JAG2: variants seen among roughly 807,000 people sequenced by gnomAD.
JAG2 encodes protein jagged-2.
In JAG2, 46 loss-of-function variants were observed where a neutral mutation model predicts 141.7. The observed-to-expected ratio is 0.32, with a 90% CI of 0.26 to 0.42. The LOEUF (loss-of-function observed/expected upper bound fraction) is 0.42, where lower values mean the gene tolerates loss of function less well. JAG2 is among the 10% of genes least tolerant of loss of function. The pLI, the probability that JAG2 is intolerant of heterozygous loss-of-function variation, is 1.00. For synonymous variants in JAG2, 862 were observed against 763.5 expected (o/e 1.13, Z -2.13); for missense variants, 1,500 against 1,817.5 (o/e 0.83, Z 3.18).
intron 2 of JAG2, among the ~76,000 whole-genome samples, chr14:105,163,670 G>A (rs1441509715): frequency 2.6e-5 from 4 of 151,770 alleles, no homozygotes; most frequent in Non-Finnish European, 4.4e-5. Context: ...TGGGGACAGT[G>A]ACCTCACTCA....
rs587768950 is a variant in JAG2 at position 105,154,553 on chromosome 14, G to C, written c.788+1009C>G. 1.3e-5 allele frequency among the ~76,000 whole-genome samples: 2 copies of C among 152,256 alleles called. No homozygotes were observed. The highest frequency in any genetic ancestry group is 2.4e-5 in the African/African-American group (1 of 41,536). On this transcript the variant is annotated intron_variant, in intron 5 of 25. Transcript: ENST00000331782. This position sits in a 1 kb window ranked among gnomAD's most constrained non-coding sequence, Gnocchi z 4.4. ...TGGGTCCAGAGGCCTCCACCATCTGGACTTGGCTGTAAGACCCCGGACACT... is the reference window on the plus strand; with the variant it reads ...TGGGTCCAGAGGCCTCCACCATCTGCACTTGGCTGTAAGACCCCGGACACT...
At chr14:105,148,625 C>T in intron 15 of JAG2, 120 bp downstream of exon 15, 2 of 1,012,078 alleles carry the variant, frequency 2.0e-6, no homozygotes, top group Non-Finnish European at 2.9e-6. Flanking sequence ...GGCAGCACCC[C>T]CTGGCCAGGC....
rs587604451 is a variant in JAG2, at chr14:105,147,524, G to A, written c.2369C>T (p.Thr790Ile). 2 of 1,612,010 alleles carry A rather than the reference G, an allele frequency of 1.2e-6. No individual in the cohort carries two copies. Among genetic ancestry groups the A allele is most frequent in the Non-Finnish European group, 1.7e-6 (2 of 1,179,318 alleles). ...GWEGRTCTHN[T>I]NDCNPLPCYN... Reference sequence around the variant, plus strand: ...CCAAGGCAGAGGGTTGCAGTCGTTGGTATCTGGTTTGGGAGAAGAGAACGC... The same window carrying A: ...CCAAGGCAGAGGGTTGCAGTCGTTGATATCTGGTTTGGGAGAAGAGAACGC... The change falls in exon 19 of 26, where the codon ACC (threonine) becomes ATC (isoleucine). Residue 790 changes from threonine to isoleucine, a missense_variant. Coordinates refer to ENST00000331782, the MANE Select transcript of JAG2 (RefSeq NM_002226.5).
At chr14:105,146,337 C>T (rs1053717812) in intron 22 of JAG2, 48 bp downstream of exon 22, 16 of 1,490,552 alleles carry the variant, frequency 1.1e-5, no homozygotes, top group Admixed American at 1.0e-4. Flanking sequence ...CCAGGGTCAG[C>T]GTGCACCAGC....
intron 2 of JAG2, among the ~76,000 whole-genome samples, chr14:105,163,438 C>T (rs185041095): frequency 6.6e-6 from 1 of 152,320 alleles, no homozygotes; most frequent in African/African-American, 2.4e-5. Flanking sequence ...AGGTCCCCCA[C>T]CGTGAAGACG....
chr14:105,144,385 A>C lies in JAG2; in HGVS notation c.3084+545T>G, dbSNP rs779216533. ...CCCCCTCTGCGGCCTCAGGGCACCA[A>C]AACACTGCACGTCCTTCCTGTGCCT... is the stretch of plus-strand genomic sequence containing the variant. On this transcript the variant is annotated intron_variant, in intron 24 of 25. Transcript: ENST00000331782. 2.8e-4 allele frequency among the ~76,000 whole-genome samples: 43 copies of C among 152,040 alleles called. 1 individual carries two copies. The highest frequency in any genetic ancestry group is 5.6e-4 in the Non-Finnish European group (38 of 67,974).
intron 3 of JAG2, among the ~76,000 whole-genome samples, chr14:105,156,706 C>T (rs587665649): frequency 3.9e-5 from 6 of 152,238 alleles, no homozygotes; most frequent in Admixed American, 6.5e-5. Flanking sequence ...CCACCTCTCC[C>T]GCCTCGGGCC....
Position 105,155,877 on chromosome 14 carries a change from C to G in JAG2, c.588G>C (p.Val196=). 1 of 1,612,288 alleles carries G rather than the reference C, an allele frequency of 6.2e-7. No homozygotes were observed. Among genetic ancestry groups the G allele is most frequent in the African/African-American group, 1.3e-5 (1 of 75,062 alleles). The change falls in exon 4 of 26, where the codon GTG becomes GTC. Residue 196 remains valine, a synonymous_variant. Transcript: ENST00000331782. ...HVAHLELQIR[V]RCDENYYSAT... ...CGCTGTAGTAGTTCTCGTCGCAGCG[C>G]ACGCGGATCTGCAGCTCCAGGTGCG...
At chr14:105,164,004 G>A (rs1439676517) in intron 2 of JAG2, among the ~76,000 whole-genome samples, 1 of 152,084 alleles carries the variant, frequency 6.6e-6, no homozygotes, top group Non-Finnish European at 1.5e-5. Flanking sequence ...CACTGGCCTA[G>A]CTTGCTCCCC....
rs1018568467 is a variant in JAG2 at position 105,167,924 on chromosome 14, G to C, written c.250C>G (p.Pro84Ala). Residue 84 changes from proline (P) to alanine (A), a missense_variant, in exon 2 of 26, where the codon CCC becomes GCC. Physicochemically the swap from Pro to Ala is conservative, Grantham distance 27. Around this residue, in one of 3 missense-constraint regions of JAG2, gnomAD observed 200 missense variants for 174.3 expected, o/e 1.15. Transcript: ENST00000331782. This position sits in a 1 kb window ranked among gnomAD's most constrained non-coding sequence, Gnocchi z 4.8. ...TGGCCGTAGCTGCAGGGCCCCGTGG[G>C]CGTCACCTTGGCCTGGTACTCCTTA... ...CLKEYQAKVTPTGPCSYGHGA... is the reference protein window; with the variant it reads ...CLKEYQAKVTATGPCSYGHGA... 3.8e-6 allele frequency: 6 copies of C among 1,598,386 alleles called. No homozygotes were observed. Among genetic ancestry groups the C allele is most frequent in the Non-Finnish European group, 5.1e-6 (6 of 1,175,762 alleles).
intron 15 of JAG2, 89 bp downstream of exon 15, chr14:105,148,656 C>T: frequency 8.2e-7 from 1 of 1,221,264 alleles, no homozygotes; most frequent in Non-Finnish European, 1.2e-6. Flanking sequence ...ACGGGGCCTG[C>T]CGCACCCAGA....
chr14:105,167,787 G>C lies in JAG2; in HGVS notation c.387C>G (p.Leu129=). The change falls in exon 2 of 26, where the codon CTC becomes CTG. Residue 129 remains leucine (L), a synonymous_variant. Coordinates refer to ENST00000331782, the MANE Select transcript of JAG2 (RefSeq NM_002226.5). The surrounding 1 kb of genome is among the most constrained non-coding windows in gnomAD (Gnocchi z 4.8). ...AGGCGAACTGGAAGGGGATGACGAC[G>C]AGGCCCGGGTCCTGGTCGCCGCCGG... ...ARAGGDQDPG[L]VVIPFQFAWP... 6.8e-7 allele frequency: 1 copy of C among 1,463,740 alleles called. No homozygotes were observed. Among genetic ancestry groups the C allele is most frequent in the Non-Finnish European group, 9.0e-7 (1 of 1,110,188 alleles). The allele number at this position is 1,463,740 out of a possible 1,614,324, so 90.7% of individuals were successfully genotyped here.
At position 105,147,422 on chromosome 14, in the gene JAG2, G is replaced by C. The variant is rs779472699; in HGVS notation, c.2394-11C>G. 6.8e-6 allele frequency: 11 copies of C among 1,611,070 alleles called. No individual in the cohort carries two copies. Among genetic ancestry groups the C allele is most frequent in the Non-Finnish European group, 8.5e-6 (10 of 1,179,118 alleles). ...ATGCCACCATTGTAGCTGCAGAGCA[G>C]AGGGTGGGCATCAGGTGGCCCCCCG... On this transcript the variant is annotated splice_polypyrimidine_tract_variant and intron_variant, in intron 19 of 25. Transcript: ENST00000331782.
chr14:105,147,524 G>T lies in JAG2; in HGVS notation c.2369C>A (p.Thr790Asn). The change falls in exon 19 of 26, where the codon ACC becomes AAC. Residue 790 changes from threonine (T) to asparagine (N), a missense_variant. Physicochemically the swap from Thr to Asn is moderately conservative, Grantham distance 65 (BLOSUM62 0). This residue lies in a region of JAG2 where 875 missense variants were observed against 1,202.2 expected (regional missense o/e 0.73). Transcript: ENST00000331782. Reference protein sequence around the residue: ...GWEGRTCTHNTNDCNPLPCYN... With the variant: ...GWEGRTCTHNNNDCNPLPCYN... Reference sequence around the variant, plus strand: ...CCAAGGCAGAGGGTTGCAGTCGTTGGTATCTGGTTTGGGAGAAGAGAACGC... The same window carrying T: ...CCAAGGCAGAGGGTTGCAGTCGTTGTTATCTGGTTTGGGAGAAGAGAACGC... 2 of 1,612,130 alleles carry T rather than the reference G, an allele frequency of 1.2e-6. No individual in the cohort carries two copies. Among genetic ancestry groups the T allele is most frequent in the Non-Finnish European group, 1.7e-6 (2 of 1,179,312 alleles).
intron 2 of JAG2, among the ~76,000 whole-genome samples, chr14:105,159,201 T>C (rs1228870947): frequency 7.0e-6 from 1 of 142,736 alleles, no homozygotes; most frequent in Non-Finnish European, 1.5e-5. Context: ...CTGCTGACCC[T>C]GGGCCTCACT....
At chr14:105,144,169 C>G (rs1449608926) in intron 24 of JAG2, among the ~76,000 whole-genome samples, 1 of 151,848 alleles carries the variant, frequency 6.6e-6, no homozygotes, top group Admixed American at 6.5e-5. Context: ...CCAGCCCCCA[C>G]CCCCACCTAT....
At chr14:105,161,326 G>T (rs1225600767) in intron 2 of JAG2, among the ~76,000 whole-genome samples, 1 of 152,160 alleles carries the variant, frequency 6.6e-6, no homozygotes. Flanking sequence ...TGAGGTCAGA[G>T]GATGGGGCCA....
Position 105,151,637 on chromosome 14 carries a change from G to T in JAG2, c.1142C>A (p.Thr381Asn). 1 of 1,606,512 alleles carries T rather than the reference G, an allele frequency of 6.2e-7. No homozygotes were observed. The highest frequency in any genetic ancestry group is 2.2e-5 in the East Asian group (1 of 44,622). Residue 381 changes from threonine to asparagine, a missense_variant, in exon 8 of 26, where the codon ACC becomes AAC. By Grantham distance (65) the Thr-to-Asn change is moderately conservative. Around this residue, in one of 3 missense-constraint regions of JAG2, gnomAD observed 875 missense variants for 1,202.2 expected, o/e 0.73. Transcript: ENST00000331782. ...GTGCAGACACTCACCAAGGGCACAG[G>T]TGGGCCCGCTCCAGCCCGATGGGCA... ...CHCPSGWSGP[T>N]CALDIDECAS...
rs144078011 is a variant in JAG2 at position 105,167,125 on chromosome 14, C to T, written c.417+632G>A. ...CAGACAGCCCCGACTCAGCTTCTGC[C>T]CCTCCAGAATAACAAAACCAAAAAA... On this transcript the variant is annotated intron_variant, in intron 2 of 25. Transcript: ENST00000331782. The surrounding 1 kb of genome is among the most constrained non-coding windows in gnomAD (Gnocchi z 4.8). Among the ~76,000 whole-genome samples the T allele has an allele frequency of 1.1e-4, 17 of 152,256 alleles. No homozygotes were observed. Among genetic ancestry groups the T allele is most frequent in the African/African-American group, 3.4e-4 (14 of 41,542 alleles).
Sources: allele counts gnomAD v4.1 joint callset (sites outside exome capture counted in the v4.1 genomes callset), GRCh38; gene constraint gnomAD v4.1.1; regional missense constraint gnomAD v4.1.1; non-coding constraint Gnocchi (gnomAD v3.1); transcripts MANE v1.5; gene names NCBI Gene and HGNC (gene_info 2026-07-23, HGNC 2026-07-21).